C2orf66: variants seen among roughly 807,000 people sequenced by gnomAD.
C2orf66 encodes the protein uncharacterized protein C2orf66.
A neutral mutation model predicts 7.0 loss-of-function variants in C2orf66; 6 were observed. The ratio of observed to expected loss-of-function variants is 0.86; its 90% CI spans 0.47 to 1.69. The LOEUF is 1.69. Ranked by LOEUF, C2orf66 falls within the 40% of genes most tolerant of loss-of-function variation. The pLI, the probability that C2orf66 is intolerant of heterozygous loss-of-function variation, is 0.01. For missense variants in C2orf66, 107 were observed against 112.0 expected (o/e 0.96, Z 0.20); for synonymous variants, 38 against 43.8 (o/e 0.87, Z 0.52).
chr2:196,817,861 C>T, the C2orf66 span, among the ~76,000 whole-genome samples: 1 of 152,168 alleles, frequency 6.6e-6, no homozygotes, highest in Admixed American at 6.5e-5. Context: ...CTCGTTTTGC[C>T]CAACCCACAG....
chr2:196,826,655 G>A, the C2orf66 span, among the ~76,000 whole-genome samples: 1 of 152,230 alleles, frequency 6.6e-6, no homozygotes, highest in South Asian at 2.1e-4. Context: ...GGTGGTGGCT[G>A]CACAACACTG....
At chr2:196,810,311 G>A (rs527992738), upstream of C2orf66, 3 of 152,258 alleles carry the variant, frequency 2.0e-5, no homozygotes, top group East Asian at 5.8e-4. Context: ...ACGTTCTTTT[G>A]GAGATATGAC....
At chr2:196,814,050 G>A (rs1699900914), upstream of C2orf66, among the ~76,000 whole-genome samples, 3 of 152,182 alleles carry the variant, frequency 2.0e-5, no homozygotes, top group African/African-American at 7.2e-5. Flanking sequence ...AATACCATTT[G>A]ACCCAGCAAT....
chr2:196,816,206 C>A, the C2orf66 span, among the ~76,000 whole-genome samples: 1 of 152,138 alleles, frequency 6.6e-6, no homozygotes, highest in Non-Finnish European at 1.5e-5. Context: ...ATTCTGGGGG[C>A]ACAAAAATCT....
chr2:196,829,605 A>G, the C2orf66 span, among the ~76,000 whole-genome samples: 3 of 151,656 alleles, frequency 2.0e-5, no homozygotes, highest in Non-Finnish European at 4.4e-5. Context: ...AAAAAAAAAC[A>G]AAAAAACAGG....
rs779566536 is a variant in C2orf66, at chr2:196,807,611, C to T, written c.135G>A (p.Arg45=). 6.2e-7 allele frequency: 1 copy of T among 1,606,360 alleles called. No homozygotes were observed. The highest frequency in any genetic ancestry group is 1.1e-5 in the South Asian group (1 of 88,784). ...NPRNRDLFFR[R]LQAYFKGRGL... is the part of the protein sequence containing the mutation. ...CTCTGCCCTTAAAATATGCCTGAAG[C>T]CTTCTGAAAAACTAAAGAGAGAAAG... Residue 45 remains arginine (R), a synonymous_variant, in exon 2 of 3, where the codon AGG becomes AGA. Coordinates refer to ENST00000342506, the MANE Select transcript of C2orf66 (RefSeq NM_213608.3).
At chr2:196,825,232 A>G in the C2orf66 span, among the ~76,000 whole-genome samples, 1 of 151,828 alleles carries the variant, frequency 6.6e-6, no homozygotes, top group Admixed American at 6.6e-5. Flanking sequence ...CAAAAAAAAA[A>G]AAAAAAAAAA....
At chr2:196,831,542 C>G in the C2orf66 span, among the ~76,000 whole-genome samples, 3 of 152,160 alleles carry the variant, frequency 2.0e-5, no homozygotes, top group Admixed American at 2.0e-4. Flanking sequence ...AATACCACTC[C>G]ATGCAGGCAT....
the C2orf66 span, among the ~76,000 whole-genome samples, chr2:196,817,699 A>G: frequency 6.6e-6 from 1 of 152,118 alleles, no homozygotes; most frequent in East Asian, 1.9e-4. Context: ...TCAACTGCAT[A>G]AGACAGACAC....
chr2:196,809,557 A>T (rs1699853926), upstream of C2orf66: 2 of 545,924 alleles, frequency 3.7e-6, no homozygotes, highest in Non-Finnish European at 6.5e-6. Context: ...GTAGCCCATG[A>T]TAATGAGAAT....
Position 196,807,641 on chromosome 2 carries a change from T to G in C2orf66, c.124-19A>C, listed in dbSNP as rs772816110. The G allele has an allele frequency of 2.5e-6, 4 of 1,590,400 alleles. No homozygotes were observed. Among genetic ancestry groups the G allele is most frequent in the Non-Finnish European group, 3.4e-6 (4 of 1,167,926 alleles). On this transcript the variant is annotated intron_variant, in intron 1 of 2. Transcript: ENST00000342506. ...TGAAAAACTAAAGAGAGAAAGAAAA[T>G]GGTCAATGCCAGATATAAATGAAAC...
the C2orf66 span, among the ~76,000 whole-genome samples, chr2:196,825,963 T>C: frequency 6.6e-6 from 1 of 152,204 alleles, no homozygotes; most frequent in Non-Finnish European, 1.5e-5. Context: ...ATTATATTAT[T>C]AAATATTTAT....
chr2:196,808,652 A>G (rs1224660628), intron 1 of C2orf66, among the ~76,000 whole-genome samples: 1 of 152,218 alleles, frequency 6.6e-6, no homozygotes, highest in Non-Finnish European at 1.5e-5. Flanking sequence ...CCATATTTCA[A>G]AATAGTCATG....
intron 1 of C2orf66, 70 bp from the exon 2 acceptor site, chr2:196,807,692 CCTCT>C (rs1370261901): frequency 1.5e-6 from 2 of 1,300,072 alleles, no homozygotes; most frequent in African/African-American, 3.0e-5. Flanking sequence ...GTTTTTCTTC[CCTCT>C]ATTTTTCCCC....
the C2orf66 span, among the ~76,000 whole-genome samples, chr2:196,829,497 G>A: frequency 2.0e-4 from 31 of 151,938 alleles, no homozygotes; most frequent in African/African-American, 7.5e-4. Flanking sequence ...GCTGAGGCAG[G>A]AGAATCACTT....
At chr2:196,814,661 T>C in the C2orf66 span, among the ~76,000 whole-genome samples, 296 of 152,176 alleles carry the variant, frequency 1.9e-3, 1 homozygote, top group South Asian at 5.2e-3. Context: ...ACCCTCACAT[T>C]CCCAGTGCCC....
chr2:196,813,818 A>T (rs952320983), upstream of C2orf66, among the ~76,000 whole-genome samples: 1 of 152,250 alleles, frequency 6.6e-6, no homozygotes, highest in Non-Finnish European at 1.5e-5. Context: ...CAAACACGAA[A>T]AAAAGCTCAT....
chr2:196,816,906 A>G, the C2orf66 span, among the ~76,000 whole-genome samples: 1 of 152,170 alleles, frequency 6.6e-6, no homozygotes, highest in Non-Finnish European at 1.5e-5. Context: ...AAAGAGAAAG[A>G]GTACCAAGAG....
chr2:196,817,564 C>T, the C2orf66 span, among the ~76,000 whole-genome samples: 1 of 150,904 alleles, frequency 6.6e-6, no homozygotes, highest in Non-Finnish European at 1.5e-5. Context: ...ACATCTTAAA[C>T]AACAGAAAAC....
Sources: allele counts gnomAD v4.1 joint callset (sites outside exome capture counted in the v4.1 genomes callset), GRCh38; gene constraint gnomAD v4.1.1; transcripts MANE v1.5; gene names NCBI Gene and HGNC (gene_info 2026-07-23, HGNC 2026-07-21).